The following ERICH6 variants were observed in gnomAD, a reference collection of about 807,000 sequenced individuals.
ERICH6 encodes glutamate rich 6.
In ERICH6, 71 loss-of-function variants were observed where a neutral mutation model predicts 71.0. That is an observed-to-expected ratio of 1.00 (90% confidence interval 0.83 to 1.22). ERICH6 has a LOEUF of 1.22. Among genes scored for constraint, ERICH6 ranks in the 50% most tolerant of loss-of-function variants. The pLI is 0.00. For synonymous variants in ERICH6, 262 were observed against 278.4 expected (o/e 0.94, Z 0.59); for missense variants, 808 against 797.2 (o/e 1.01, Z -0.16).
chr3:150,697,947 C>T (rs1217846657), intron 3 of ERICH6, among the ~76,000 whole-genome samples: 1 of 152,180 alleles, frequency 6.6e-6, no homozygotes, highest in African/African-American at 2.4e-5. Flanking sequence ...GAGGCACTTG[C>T]TGTTCCCTTG....
intron 10 of ERICH6, among the ~76,000 whole-genome samples, 165 bp downstream of exon 10, chr3:150,678,244 A>T (rs1244601337): frequency 6.6e-6 from 1 of 152,212 alleles, no homozygotes; most frequent in Non-Finnish European, 1.5e-5. Flanking sequence ...CAAACATATG[A>T]CATTGTTATA....
At chr3:150,694,756 C>A (rs545060550) in intron 3 of ERICH6, among the ~76,000 whole-genome samples, 1 of 152,330 alleles carries the variant, frequency 6.6e-6, no homozygotes, top group African/African-American at 2.4e-5. Context: ...GTCTCAGATA[C>A]TTTTTGGTTT....
intron 6 of ERICH6, 76 bp from the exon 7 acceptor site, chr3:150,682,392 AC>A: frequency 8.5e-6 from 9 of 1,063,248 alleles, no homozygotes; most frequent in Non-Finnish European, 1.1e-5. Context: ...CAGGAGCACG[AC>A]CCTGGGCATG....
At chr3:150,702,088 C>CA in intron 2 of ERICH6, 33 bp downstream of exon 2, 1 of 1,416,508 alleles carries the variant, frequency 7.1e-7, no homozygotes, top group Non-Finnish European at 9.8e-7. Context: ...TTATTGGGTT[C>CA]AAAAAATGTG....
chr3:150,678,523 T>C lies in ERICH6; in HGVS notation c.1143A>G (p.Gln381=), dbSNP rs757326313. Reference sequence around the variant, plus strand: ...GTTTTTCTGGAATATCCACAGAAAGTTGATAAGAAATTGTTTTTAAGCGCT... The same window carrying C: ...GTTTTTCTGGAATATCCACAGAAAGCTGATAAGAAATTGTTTTTAAGCGCT... ...DSKRLKTISY[Q]LSVDIPEKQI... Residue 381 remains glutamine (Q), a synonymous_variant, in exon 10 of 14, where the codon CAA becomes CAG. Transcript: ENST00000295910. 1 of 1,601,602 alleles carries C rather than the reference T, an allele frequency of 6.2e-7. No homozygotes were observed. Among genetic ancestry groups the C allele is most frequent in the Admixed American group, 1.8e-5 (1 of 56,028 alleles).
intron 11 of ERICH6, among the ~76,000 whole-genome samples, chr3:150,671,559 C>T (rs1010328902): frequency 1.3e-5 from 2 of 152,170 alleles, no homozygotes; most frequent in African/African-American, 4.8e-5. Flanking sequence ...CAAAATCTAT[C>T]AAAGCTTTAA....
chr3:150,687,767 C>T (rs1712258366), intron 3 of ERICH6, among the ~76,000 whole-genome samples: 1 of 152,190 alleles, frequency 6.6e-6, no homozygotes, highest in Non-Finnish European at 1.5e-5. Flanking sequence ...GCAAGGGACT[C>T]ATTTTCTTAG....
Position 150,703,012 on chromosome 3 carries a change from G to GAGAA in ERICH6, c.403+483_403+484insTTCT, listed in dbSNP as rs1305637699. 1.7e-3 allele frequency among the ~76,000 whole-genome samples: 251 copies of GAGAA among 150,648 alleles called. 1 individual carries two copies. The highest frequency in any genetic ancestry group is 5.9e-3 in the African/African-American group (244 of 41,024). On this transcript the variant is annotated intron_variant, in intron 1 of 13. Transcript: ENST00000295910. ...GGGGGAACAGAGAGAGAGAGAGAGA[G>GAGAA]AGATGTCACGGTGTGAATGCACGCA...
At chr3:150,662,826 G>T (rs889609857) in intron 13 of ERICH6, among the ~76,000 whole-genome samples, 2 of 152,192 alleles carry the variant, frequency 1.3e-5, no homozygotes, top group African/African-American at 4.8e-5. Flanking sequence ...ACGCTGCGCA[G>T]AAGCCTGAAG....
intron 13 of ERICH6, among the ~76,000 whole-genome samples, chr3:150,663,331 C>T (rs902115372): frequency 6.6e-6 from 1 of 152,110 alleles, no homozygotes; most frequent in Admixed American, 6.6e-5. Context: ...TGTGAAACAG[C>T]GTTTAGAGTT....
At chr3:150,702,800 T>C (rs1341092289) in intron 1 of ERICH6, among the ~76,000 whole-genome samples, 1 of 40,894 alleles carries the variant, frequency 2.4e-5, no homozygotes, top group Non-Finnish European at 5.7e-5. Flanking sequence ...CAGCACAGGA[T>C]GTTAAACACA....
chr3:150,680,125 G>C (rs1004879494), intron 9 of ERICH6, among the ~76,000 whole-genome samples: 4 of 152,224 alleles, frequency 2.6e-5, no homozygotes, highest in Non-Finnish European at 5.9e-5. Context: ...ATGAGATGAA[G>C]ACTGAAAACT....
At position 150,688,270 on chromosome 3, in the gene ERICH6, T is replaced by A. The variant is rs184324822; in HGVS notation, c.554-1916A>T. On this transcript the variant is annotated intron_variant, in intron 3 of 13. Coordinates refer to ENST00000295910, the MANE Select transcript of ERICH6 (RefSeq NM_152394.5). Reference sequence around the variant, plus strand: ...ATGCCAGCACAGGTATGTAAAAAAATTAATGCACAAAGGTTTTTATTAATA... The same window carrying A: ...ATGCCAGCACAGGTATGTAAAAAAAATAATGCACAAAGGTTTTTATTAATA... 2.8e-3 allele frequency among the ~76,000 whole-genome samples: 424 copies of A among 152,212 alleles called. 6 individuals carry two copies. Among genetic ancestry groups the A allele is most frequent in the Non-Finnish European group, 4.3e-3 (289 of 67,992 alleles).
chr3:150,684,839 T>C (rs1011945482), intron 6 of ERICH6, among the ~76,000 whole-genome samples: 1 of 151,994 alleles, frequency 6.6e-6, no homozygotes, highest in Admixed American at 6.6e-5. Flanking sequence ...GACCCATCTC[T>C]GCAAAATATT....
chr3:150,668,119 T>C (rs961394240), intron 12 of ERICH6, among the ~76,000 whole-genome samples: 1 of 152,248 alleles, frequency 6.6e-6, no homozygotes, highest in African/African-American at 2.4e-5. Context: ...AGGGAAGATT[T>C]AGTTTTATCT....
intron 1 of ERICH6, 62 bp from the exon 2 acceptor site, chr3:150,702,240 C>G (rs1471788013): frequency 1.0e-5 from 10 of 987,932 alleles, no homozygotes; most frequent in East Asian, 2.5e-5. Context: ...AATTCTACCC[C>G]CCCCAGGAAC....
chr3:150,663,929 A>G (rs1727309888), intron 13 of ERICH6, among the ~76,000 whole-genome samples: 2 of 152,262 alleles, frequency 1.3e-5, no homozygotes, highest in Non-Finnish European at 2.9e-5. Flanking sequence ...GTGAGACTCA[A>G]TGAGATAATC....
At chr3:150,676,963 C>A (rs933843371) in intron 10 of ERICH6, among the ~76,000 whole-genome samples, 5 of 152,036 alleles carry the variant, frequency 3.3e-5, no homozygotes, top group Admixed American at 1.3e-4. Context: ...CGGGTGCCTG[C>A]CACCTTACCT....
intron 3 of ERICH6, among the ~76,000 whole-genome samples, chr3:150,696,233 G>C (rs1712652782): frequency 7.5e-6 from 1 of 132,720 alleles, no homozygotes; most frequent in Non-Finnish European, 1.7e-5. Context: ...TTAAGGAGTA[G>C]TATAGAGACA....
Sources: allele counts gnomAD v4.1 joint callset (sites outside exome capture counted in the v4.1 genomes callset), GRCh38; gene constraint gnomAD v4.1.1; transcripts MANE v1.5; gene names NCBI Gene and HGNC (gene_info 2026-07-23, HGNC 2026-07-21).